Variants in WWP1 observed in about 807,000 individuals in gnomAD.
WWP1 encodes WW domain containing E3 ubiquitin protein ligase 1.
In WWP1, 49 loss-of-function variants were observed where a neutral mutation model predicts 130.6. The ratio of observed to expected loss-of-function variants is 0.38; its 90% CI spans 0.30 to 0.48. WWP1 has a LOEUF of 0.48. Ranked by LOEUF, WWP1 falls within the 20% of genes least tolerant of loss-of-function variation. The pLI, the probability that WWP1 is intolerant of heterozygous loss-of-function variation, is 0.99. For synonymous variants in WWP1, 332 were observed against 367.8 expected (o/e 0.90, Z 1.11); for missense variants, 809 against 1,100.6 (o/e 0.74, Z 3.75).
Position 86,425,265 on chromosome 8 carries a change from G to T in WWP1, c.1104G>T (p.Val368=). 6.2e-7 allele frequency: 1 copy of T among 1,613,064 alleles called. No individual in the cohort carries two copies. The highest frequency in any genetic ancestry group is 8.5e-7 in the Non-Finnish European group (1 of 1,179,532). The change falls in exon 10 of 25, where the codon GTG becomes GTT. Residue 368 remains valine, a synonymous_variant. Transcript: ENST00000517970. ...RKDPHGRTYY[V]DHNTRTTTWE... is the part of the protein sequence containing the mutation. The stretch of plus-strand genomic sequence containing the variant: ...ATCCTCATGGTAGAACCTATTATGT[G>T]GATCATAATACTCGAACTACCACAT...
intron 5 of WWP1, among the ~76,000 whole-genome samples, chr8:86,384,873 A>T (rs1825188385): frequency 6.6e-6 from 1 of 152,120 alleles, no homozygotes; most frequent in Non-Finnish European, 1.5e-5. Context: ...TTTATCAAAG[A>T]TACAAAAAAT....
At chr8:86,440,691 C>G (rs755594608) in intron 17 of WWP1, 2 of 454,938 alleles carry the variant, frequency 4.4e-6, no homozygotes, top group South Asian at 3.1e-5. Context: ...AATATTTTTT[C>G]TGTTCCATTT....
At chr8:86,409,612 A>C (rs1375116366) in intron 8 of WWP1, among the ~76,000 whole-genome samples, 3 of 151,708 alleles carry the variant, frequency 2.0e-5, no homozygotes, top group Non-Finnish European at 2.9e-5. Flanking sequence ...GTAATCCCAG[A>C]ACTTTGGGAG....
intron 1 of WWP1, among the ~76,000 whole-genome samples, chr8:86,355,861 G>A (rs1408920987): frequency 6.6e-6 from 1 of 152,170 alleles, no homozygotes; most frequent in Non-Finnish European, 1.5e-5. Context: ...TTAAGGCATG[G>A]GTTAGCTCAG....
Position 86,410,065 on chromosome 8 carries a change from A to G in WWP1, c.725-1473A>G, listed in dbSNP as rs149846204. ...CTGCTAACAGTAGATTTTCTAATGT[A>G]GTTTCCTAATATCAAATCATCCTTG... On this transcript the variant is annotated intron_variant, in intron 8 of 24. Transcript: ENST00000517970. 1.9e-3 allele frequency among the ~76,000 whole-genome samples: 282 copies of G among 152,322 alleles called. 1 individual carries two copies. Among genetic ancestry groups the G allele is most frequent in the Middle Eastern group, 6.8e-3 (2 of 294 alleles).
At chr8:86,406,486 A>T (rs1233705563) in intron 8 of WWP1, among the ~76,000 whole-genome samples, 1 of 152,194 alleles carries the variant, frequency 6.6e-6, no homozygotes, top group African/African-American at 2.4e-5. Context: ...TTTATTCTGA[A>T]GTAATTATAA....
At chr8:86,440,543 T>G in intron 17 of WWP1, 1 of 352,000 alleles carries the variant, frequency 2.8e-6, no homozygotes, top group Admixed American at 3.8e-5. Context: ...TGTAAGAACC[T>G]TATTTTTCCT....
intron 5 of WWP1, among the ~76,000 whole-genome samples, chr8:86,382,116 A>T (rs967436444): frequency 6.6e-6 from 1 of 152,162 alleles, no homozygotes; most frequent in Non-Finnish European, 1.5e-5. Context: ...CAATCTTAAT[A>T]ATTTGGTCAC....
chr8:86,453,264 C>T (rs1811270680), intron 21 of WWP1, among the ~76,000 whole-genome samples: 1 of 152,096 alleles, frequency 6.6e-6, no homozygotes, highest in South Asian at 2.1e-4. Flanking sequence ...CTGTTGATAC[C>T]TCCTATGAGT....
intron 14 of WWP1, 33 bp downstream of exon 14, chr8:86,431,776 T>C (rs1301071937): frequency 2.0e-5 from 33 of 1,610,508 alleles, no homozygotes; most frequent in Non-Finnish European, 2.7e-5. Flanking sequence ...CCTTTAAATA[T>C]TGCTTAGTGA....
intron 17 of WWP1, among the ~76,000 whole-genome samples, chr8:86,441,623 G>C (rs1242223490): frequency 1.1e-5 from 1 of 87,072 alleles, no homozygotes; most frequent in Non-Finnish European, 2.2e-5. Context: ...GGCTGAATCA[G>C]AGTTGTTTCC....
At chr8:86,362,645 G>C (rs1016962391) in intron 1 of WWP1, among the ~76,000 whole-genome samples, 2 of 152,122 alleles carry the variant, frequency 1.3e-5, no homozygotes, top group South Asian at 2.1e-4. Context: ...ACCAAAAAAG[G>C]AGGGTTTAAA....
Position 86,448,464 on chromosome 8 carries a change from G to A in WWP1, c.2224G>A (p.Gly742Arg), listed in dbSNP as rs781224009. ...AGTTACTTCACATGACCTGAAGTTGGGAGGTTCCAATATTCTGGTGACTGA... is the reference window on the plus strand; with the variant it reads ...AGTTACTTCACATGACCTGAAGTTGAGAGGTTCCAATATTCTGGTGACTGA... ...GKVTSHDLKLGGSNILVTEEN... is the reference protein window; with the variant it reads ...GKVTSHDLKLRGSNILVTEEN... Residue 742 changes from glycine to arginine, a missense_variant, in exon 20 of 25, where the codon GGA becomes AGA. Gly to Arg is a moderately radical substitution (Grantham distance 125). Coordinates refer to ENST00000517970, the MANE Select transcript of WWP1 (RefSeq NM_007013.4). 1.2e-6 allele frequency: 2 copies of A among 1,613,728 alleles called. No individual in the cohort carries two copies. The highest frequency in any genetic ancestry group is 1.7e-5 in the Admixed American group (1 of 60,008).
intron 5 of WWP1, among the ~76,000 whole-genome samples, chr8:86,396,791 C>T (rs10101337): frequency 0.13 from 19,780 of 151,934 alleles, 3,414 homozygotes; most frequent in African/African-American, 0.4. Flanking sequence ...ATAGAGACAG[C>T]GTCTTGCTAT....
intron 7 of WWP1, among the ~76,000 whole-genome samples, chr8:86,400,106 A>G (rs4379427): frequency 0.73 from 110,270 of 151,230 alleles, 41,041 homozygotes; most frequent in African/African-American, 0.82. Context: ...CGAAGCGGGC[A>G]GATCATGAGG....
chr8:86,360,819 T>G (rs73688823), intron 1 of WWP1, among the ~76,000 whole-genome samples: 22,371 of 152,128 alleles, frequency 0.15, 1,795 homozygotes, highest in Non-Finnish European at 0.19. Context: ...ACAGATAAAA[T>G]AGGGCAAGGT....
intron 3 of WWP1, among the ~76,000 whole-genome samples, chr8:86,374,823 C>G (rs968012145): frequency 5.9e-5 from 9 of 152,082 alleles, no homozygotes; most frequent in African/African-American, 1.9e-4. Flanking sequence ...GATCCTCGTG[C>G]TTCAGCCTCC....
intron 1 of WWP1, among the ~76,000 whole-genome samples, chr8:86,346,820 G>C (rs1027837648): frequency 3.3e-5 from 5 of 152,118 alleles, no homozygotes; most frequent in Non-Finnish European, 7.4e-5. Context: ...ACTTAATGGA[G>C]GAAAAATGAT....
Position 86,461,298 on chromosome 8 carries a change from A to G in WWP1, c.2574A>G (p.Leu858=), listed in dbSNP as rs1469081038. Residue 858 remains leucine, a synonymous_variant, in exon 23 of 25, where the codon CTA becomes CTG. Coordinates refer to ENST00000517970, the MANE Select transcript of WWP1 (RefSeq NM_007013.4). ...QFVTGTCRLP[L]GGFAELMGSN... ...TCACTGGAACCTGCCGTTTACCTCT[A>G]GGAGGATTTGCTGAGCTCATGGGTA... is the stretch of plus-strand genomic sequence containing the variant. 3.7e-6 allele frequency: 6 copies of G among 1,613,978 alleles called. No individual in the cohort carries two copies. Among genetic ancestry groups the G allele is most frequent in the African/African-American group, 1.3e-5 (1 of 74,940 alleles).
Sources: gnomAD v4.1 joint callset for allele counts (sites outside exome capture counted in the v4.1 genomes callset) on GRCh38, gnomAD v4.1.1 for gene constraint, MANE v1.5 for transcripts, NCBI Gene and HGNC (gene_info 2026-07-23, HGNC 2026-07-21) for gene names.